The following PTPRC variants were observed in gnomAD, a reference collection of about 807,000 sequenced individuals.
PTPRC encodes receptor-type tyrosine-protein phosphatase C.
PTPRC carries 44 observed loss-of-function variants against 155.9 expected under a neutral mutation model. The ratio of observed to expected loss-of-function variants is 0.28; its 90% confidence interval spans 0.22 to 0.36. PTPRC has a LOEUF of 0.36. PTPRC is among the 10% of genes least tolerant of loss of function. The probability of loss-of-function intolerance (pLI) is 1.00; values close to 1 mark genes in which losing one functional copy is unlikely to be tolerated. For synonymous variants in PTPRC, 525 were observed against 533.1 expected (o/e 0.98, Z 0.21); for missense variants, 1,401 against 1,564.6 (o/e 0.90, Z 1.76).
chr1:198,746,190 G>A (rs566914034), intron 26 of PTPRC, among the ~76,000 whole-genome samples: 18 of 151,982 alleles, frequency 1.2e-4, no homozygotes, highest in Admixed American at 2.0e-4. Flanking sequence ...ACTAAATGAG[G>A]TGGAGTGATT....
Position 198,750,575 on chromosome 1 carries a change from A to G in PTPRC, c.3156A>G (p.Gln1052=), listed in dbSNP as rs1411952454. 2 of 1,612,726 alleles carry G rather than the reference A, an allele frequency of 1.2e-6. No individual in the cohort carries two copies. The highest frequency in any genetic ancestry group is 3.3e-5 in the Admixed American group (2 of 59,894). Reference sequence around the variant, plus strand: ...GTGACTTTTGGCAGATGATCTTCCAAAGAAAAGTCAAAGTTATTGTTATGC... The same window carrying G: ...GTGACTTTTGGCAGATGATCTTCCAGAGAAAAGTCAAAGTTATTGTTATGC... The part of the protein sequence containing the change: ...TIGDFWQMIF[Q]RKVKVIVMLT... Residue 1052 remains glutamine, a synonymous_variant, in exon 29 of 33, where the codon CAA becomes CAG. Coordinates refer to ENST00000442510, the MANE Select transcript of PTPRC (RefSeq NM_002838.5).
In PTPRC at chr1:198,748,090, T is replaced by G. The variant is rs780758960; in HGVS notation, c.2848-19T>G. On this transcript the variant is annotated intron_variant, in intron 26 of 32. Coordinates refer to ENST00000442510, the MANE Select transcript of PTPRC (RefSeq NM_002838.5). Reference sequence around the variant, plus strand: ...TTTACATTTTAAAGGAGTTTTTCTGTTTTTTTTTTTTTTTTCAGAGACTTC... The same window carrying G: ...TTTACATTTTAAAGGAGTTTTTCTGGTTTTTTTTTTTTTTTCAGAGACTTC... 6.0e-4 allele frequency: 249 copies of G among 416,914 alleles called. 2 individuals carry two copies. In the African/African-American group the frequency reaches 0.015, roughly 24 times the overall value. The allele number at this position is 416,914 out of a possible 1,614,324, so 25.8% of individuals were successfully genotyped here.
chr1:198,692,034 A>G (rs570550282), intron 2 of PTPRC, among the ~76,000 whole-genome samples: 2 of 152,262 alleles, frequency 1.3e-5, no homozygotes, highest in South Asian at 4.1e-4. Flanking sequence ...TTTGGGAAAA[A>G]AAAGTTTCAA....
chr1:198,645,657 A>G (rs528155881), intron 2 of PTPRC, among the ~76,000 whole-genome samples: 5 of 151,826 alleles, frequency 3.3e-5, no homozygotes, highest in African/African-American at 1.2e-4. Context: ...ATAGCCTTTT[A>G]GCATAAACTT....
chr1:198,665,239 G>A (rs1001140978), intron 2 of PTPRC, among the ~76,000 whole-genome samples: 17 of 150,890 alleles, frequency 1.1e-4, no homozygotes, highest in Admixed American at 6.6e-5. Context: ...ACAGGCGCCC[G>A]CCGCCACGCC....
At chr1:198,670,449 A>C (rs1664578294) in intron 2 of PTPRC, among the ~76,000 whole-genome samples, 1 of 152,152 alleles carries the variant, frequency 6.6e-6, no homozygotes, top group Non-Finnish European at 1.5e-5. Flanking sequence ...GGGACACATT[A>C]ATAACTTACA....
At chr1:198,717,641 A>T (rs1653658196) in intron 13 of PTPRC, among the ~76,000 whole-genome samples, 1 of 152,238 alleles carries the variant, frequency 6.6e-6, no homozygotes, top group African/African-American at 2.4e-5. Flanking sequence ...GTATCACAGA[A>T]AAAGAAGACA....
chr1:198,659,652 G>A (rs927662625), intron 2 of PTPRC, among the ~76,000 whole-genome samples: 2 of 150,518 alleles, frequency 1.3e-5, no homozygotes, highest in South Asian at 2.1e-4. Context: ...CTCCTGCCTC[G>A]GACTTCTGAG....
intron 2 of PTPRC, among the ~76,000 whole-genome samples, chr1:198,687,449 A>G (rs1338549242): frequency 6.6e-6 from 1 of 152,124 alleles, no homozygotes; most frequent in Non-Finnish European, 1.5e-5. Flanking sequence ...TATGATAGAG[A>G]ATTAATAAAT....
intron 14 of PTPRC, among the ~76,000 whole-genome samples, chr1:198,718,825 C>T (rs181135612): frequency 8.5e-5 from 13 of 152,128 alleles, no homozygotes; most frequent in Non-Finnish European, 1.2e-4. Flanking sequence ...GCACTTAACA[C>T]GTATTATCAA....
chr1:198,734,448 G>T, intron 22 of PTPRC, 23 bp downstream of exon 22: 2 of 1,601,274 alleles, frequency 1.2e-6, no homozygotes, highest in Non-Finnish European at 1.7e-6. Flanking sequence ...AAGATTCATA[G>T]TGTGGGTCTT....
intron 14 of PTPRC, among the ~76,000 whole-genome samples, chr1:198,720,235 C>T (rs1653821601): frequency 6.6e-6 from 1 of 152,260 alleles, no homozygotes; most frequent in African/African-American, 2.4e-5. Flanking sequence ...TGGATGACAT[C>T]ATTCTTATTA....
At chr1:198,680,452 GAAA>G (rs71648398) in intron 2 of PTPRC, among the ~76,000 whole-genome samples, 11 of 121,994 alleles carry the variant, frequency 9.0e-5, no homozygotes, top group Non-Finnish European at 5.5e-5. Context: ...AACTCTCTCA[GAAA>G]AAAAAAAAAA....
chr1:198,703,187 A>G, intron 6 of PTPRC, 111 bp from the exon 7 acceptor site: 1 of 1,443,718 alleles, frequency 6.9e-7, no homozygotes, highest in East Asian at 2.3e-5. Flanking sequence ...TCAAACGAGG[A>G]CTCCTAGAGC....
intron 14 of PTPRC, 36 bp downstream of exon 14, chr1:198,718,338 C>T (rs368052835): frequency 7.4e-6 from 11 of 1,482,156 alleles, no homozygotes; most frequent in Non-Finnish European, 1.0e-5. Flanking sequence ...ATAGTACCAA[C>T]TACATTATAA....
rs550195369 is a variant in PTPRC at position 198,689,005 on chromosome 1, T to A, written c.74-3342T>A. ...GAAAACATAAGCAAAAGACTTAGTA[T>A]AGTGCCTGGCACCCAGTAAACACTC... On this transcript the variant is annotated intron_variant, in intron 2 of 32. Coordinates refer to ENST00000442510, the MANE Select transcript of PTPRC (RefSeq NM_002838.5). Among the ~76,000 whole-genome samples the A allele has an allele frequency of 1.6e-4, 24 of 152,310 alleles. No individual in the cohort carries two copies. The South Asian group carries it at 4.8e-3, about 30-fold the overall frequency.
At chr1:198,755,456 G>GTAT in intron 32 of PTPRC, among the ~76,000 whole-genome samples, 1 of 149,816 alleles carries the variant, frequency 6.7e-6, no homozygotes, top group East Asian at 2.0e-4. Flanking sequence ...GGAAAGCCAG[G>GTAT]TATTTACTAA....
At chr1:198,693,497 G>C (rs1666037355) in intron 3 of PTPRC, among the ~76,000 whole-genome samples, 1 of 152,210 alleles carries the variant, frequency 6.6e-6, no homozygotes, top group East Asian at 1.9e-4. Context: ...AGAATGGGGA[G>C]TGATTCTTTA....
At chr1:198,646,766 C>T (rs574821155) in intron 2 of PTPRC, among the ~76,000 whole-genome samples, 15 of 151,712 alleles carry the variant, frequency 9.9e-5, no homozygotes, top group Admixed American at 6.6e-4. Context: ...TATGGTATTC[C>T]TCTTATTAGC....
Sources: allele counts gnomAD v4.1 joint callset (sites outside exome capture counted in the v4.1 genomes callset), GRCh38; gene constraint gnomAD v4.1.1; transcripts MANE v1.5; gene names NCBI Gene and HGNC (gene_info 2026-07-23, HGNC 2026-07-21).